Variants in MYLK observed in about 807,000 individuals in gnomAD.
MYLK encodes the protein myosin light chain kinase.
MYLK carries 106 observed loss-of-function variants against 203.4 expected under a neutral mutation model. The observed-to-expected ratio is 0.52, with a 90% CI of 0.45 to 0.61. The LOEUF is 0.61. MYLK is among the 20% of genes least tolerant of loss of function. MYLK has a pLI of 0.00. For synonymous variants in MYLK, 867 were observed against 959.5 expected (o/e 0.90, Z 1.78); for missense variants, 2,072 against 2,442.3 (o/e 0.85, Z 3.20).
chr3:123,692,273 C>T (rs940760348), intron 19 of MYLK: 3 of 1,093,430 alleles, frequency 2.7e-6, no homozygotes, highest in Admixed American at 4.4e-5. Context: ...GAGACTCAGC[C>T]CCGACTCACC....
At chr3:123,690,981 C>T (rs1560077862) in intron 19 of MYLK, among the ~76,000 whole-genome samples, 1 of 152,208 alleles carries the variant, frequency 6.6e-6, no homozygotes, top group East Asian at 1.9e-4. Context: ...AAAAAATCCC[C>T]AAGTGTATTC....
chr3:123,656,240 C>T (rs2059385060), intron 24 of MYLK, among the ~76,000 whole-genome samples: 1 of 152,194 alleles, frequency 6.6e-6, no homozygotes, highest in Admixed American at 6.5e-5. Context: ...AGTCTGCTTG[C>T]TAAGAAGCTC....
intron 5 of MYLK, among the ~76,000 whole-genome samples, chr3:123,745,065 A>G (rs1195505506): frequency 6.6e-6 from 1 of 152,162 alleles, no homozygotes; most frequent in Admixed American, 6.5e-5. Flanking sequence ...AAAATTTTGG[A>G]GGATAGCTTC....
At chr3:123,757,926 T>C (rs544810660) in intron 4 of MYLK, among the ~76,000 whole-genome samples, 13 of 152,200 alleles carry the variant, frequency 8.5e-5, no homozygotes, top group African/African-American at 2.6e-4. Context: ...GGACTGGTGA[T>C]TAAAAACTGA....
At chr3:123,660,405 C>G (rs1437780165) in intron 23 of MYLK, among the ~76,000 whole-genome samples, 1 of 152,160 alleles carries the variant, frequency 6.6e-6, no homozygotes, top group South Asian at 2.1e-4. Flanking sequence ...TGAAAAGAGA[C>G]CTGCTTTTCT....
chr3:123,697,629 C>G (rs2060985914), intron 18 of MYLK, among the ~76,000 whole-genome samples: 1 of 152,160 alleles, frequency 6.6e-6, no homozygotes, highest in Non-Finnish European at 1.5e-5. Flanking sequence ...CTTAACTTCT[C>G]TGTTAGGTGG....
intron 4 of MYLK, among the ~76,000 whole-genome samples, chr3:123,787,315 C>T (rs933102916): frequency 3.3e-5 from 5 of 152,148 alleles, no homozygotes; most frequent in African/African-American, 1.2e-4. Context: ...GAGCAGGAAG[C>T]AGGTGCACAG....
At position 123,760,429 on chromosome 3, in the gene MYLK, C is replaced by T. The variant is rs112431600; in HGVS notation, c.166-7891G>A. Reference sequence around the variant, plus strand: ...CCGACCTAAGGTGATCCATCTGCCTCGGCCTCCCAAAGTGCTGGGATTACA... The same window carrying T: ...CCGACCTAAGGTGATCCATCTGCCTTGGCCTCCCAAAGTGCTGGGATTACA... On this transcript the variant is annotated intron_variant, in intron 4 of 33. Coordinates refer to ENST00000360304, the MANE Select transcript of MYLK (RefSeq NM_053025.4). Among the ~76,000 whole-genome samples, 453 of 152,332 alleles carry T rather than the reference C, an allele frequency of 3.0e-3. 3 individuals carry two copies. The highest frequency in any genetic ancestry group is 0.01 in the African/African-American group (426 of 41,560).
rs762182697 is a variant in MYLK at position 123,664,148 on chromosome 3, G to A, written c.3942C>T (p.Asn1314=). 1 of 1,614,128 alleles carries A rather than the reference G, an allele frequency of 6.2e-7. No individual in the cohort carries two copies. The highest frequency in any genetic ancestry group is 8.5e-7 in the Non-Finnish European group (1 of 1,179,986). The change falls in exon 23 of 34, where the codon AAC becomes AAT. Residue 1314 remains asparagine (N), a synonymous_variant. Transcript: ENST00000360304. ...HCGCYTLLVE[N]KLGSRQAQVN... ...CCTGGGCCTGCCTGCTGCCCAGCTT[G>A]TTCTCCACCAGCAGTGTGTAGCAGC... is the stretch of plus-strand genomic sequence containing the variant.
rs370132689 is a variant in MYLK, at chr3:123,664,091, G to A, written c.3985+14C>T. ...CTTGCCCCAAGCTCCATGCCACCCAGCCACCAGACTCACCCACGACAGTGA... is the reference window on the plus strand; with the variant it reads ...CTTGCCCCAAGCTCCATGCCACCCAACCACCAGACTCACCCACGACAGTGA... On this transcript the variant is annotated intron_variant, in intron 23 of 33. Transcript: ENST00000360304. The A allele has an allele frequency of 6.2e-7, 1 of 1,613,812 alleles. No homozygotes were observed. The highest frequency in any genetic ancestry group is 2.2e-5 in the East Asian group (1 of 44,866).
chr3:123,652,788 G>T (rs1218348046), intron 24 of MYLK, among the ~76,000 whole-genome samples: 1 of 152,184 alleles, frequency 6.6e-6, no homozygotes, highest in Non-Finnish European at 1.5e-5. Flanking sequence ...ACCTGGCTGG[G>T]CTGGGAGGGA....
chr3:123,875,173 G>A (rs913142314), intron 2 of MYLK, among the ~76,000 whole-genome samples: 2 of 152,150 alleles, frequency 1.3e-5, no homozygotes, highest in Non-Finnish European at 1.5e-5. Flanking sequence ...CACAAACATT[G>A]ATAGTGAGTT....
At chr3:123,759,054 G>T (rs1024995275) in intron 4 of MYLK, among the ~76,000 whole-genome samples, 1 of 152,090 alleles carries the variant, frequency 6.6e-6, no homozygotes, top group Admixed American at 6.5e-5. Flanking sequence ...TGAACTTCTG[G>T]TCTCAAAAGA....
intron 12 of MYLK, among the ~76,000 whole-genome samples, chr3:123,725,032 C>T (rs1487939620): frequency 2.0e-5 from 3 of 152,108 alleles, no homozygotes; most frequent in Non-Finnish European, 2.9e-5. Context: ...CATGAGCCAC[C>T]ACACCTGGCC....
intron 18 of MYLK, among the ~76,000 whole-genome samples, chr3:123,695,924 AG>A (rs2060906264): frequency 6.6e-6 from 1 of 152,126 alleles, no homozygotes; most frequent in Admixed American, 6.5e-5. Flanking sequence ...AGGTCCCGGA[AG>A]GGCTAGGAAA....
intron 4 of MYLK, among the ~76,000 whole-genome samples, chr3:123,767,498 T>C (rs924121141): frequency 7.9e-5 from 12 of 152,154 alleles, no homozygotes; most frequent in Non-Finnish European, 1.3e-4. Context: ...TCCCAGATAC[T>C]CAGGTGGCTG....
chr3:123,679,123 A>G (rs2108434170), intron 20 of MYLK, among the ~76,000 whole-genome samples: 1 of 152,248 alleles, frequency 6.6e-6, no homozygotes, highest in South Asian at 2.1e-4. Flanking sequence ...CCTGGCCCAC[A>G]TGGCGAAACC....
At chr3:123,623,330 G>A (rs1427742830) in intron 31 of MYLK, 1 of 152,138 alleles carries the variant, frequency 6.6e-6, no homozygotes, top group African/African-American at 2.4e-5. Flanking sequence ...GGCCTCTGAT[G>A]TCTAGTCTTT....
At chr3:123,752,769 T>C (rs1336459917) in intron 4 of MYLK, among the ~76,000 whole-genome samples, 1 of 152,120 alleles carries the variant, frequency 6.6e-6, no homozygotes, top group East Asian at 1.9e-4. Context: ...GAATCCACTA[T>C]GCAAATGACT....
Sources: gnomAD v4.1 joint callset for allele counts (sites outside exome capture counted in the v4.1 genomes callset) on GRCh38, gnomAD v4.1.1 for gene constraint, MANE v1.5 for transcripts, NCBI Gene and HGNC (gene_info 2026-07-23, HGNC 2026-07-21) for gene names.